CYP2J2: variants seen among roughly 807,000 people sequenced by gnomAD.
CYP2J2 encodes cytochrome P450 family 2 subfamily J member 2, also known as cytochrome P450 2J2.
In CYP2J2, 41 loss-of-function variants were observed where a neutral mutation model predicts 48.8. The ratio of observed to expected loss-of-function variants is 0.84; its 90% confidence interval spans 0.66 to 1.09. CYP2J2 has a LOEUF of 1.09. Ranked by LOEUF, CYP2J2 falls within the 50% of genes least tolerant of loss-of-function variation. CYP2J2 has a pLI of 0.00. For synonymous variants in CYP2J2, 221 were observed against 227.1 expected, an observed-to-expected ratio of 0.97 and a Z score of 0.24; for missense variants, 644 against 617.3, an observed-to-expected ratio of 1.04 and a Z score of -0.46.
chr1:59,912,412 C>T (rs1489615105), intron 2 of CYP2J2, 101 bp from the exon 3 acceptor site: 6 of 1,296,888 alleles, frequency 4.6e-6, no homozygotes. Context: ...AGGAGAAGAT[C>T]ATTAAGGCAC....
the CYP2J2 span, among the ~76,000 whole-genome samples, chr1:59,946,528 T>C: frequency 1.3e-5 from 2 of 152,200 alleles, no homozygotes; most frequent in Non-Finnish European, 2.9e-5. Context: ...GTGAGCTCCA[T>C]GAGGGGAAAG....
At chr1:59,930,327 T>A (rs1482773385), upstream of CYP2J2, among the ~76,000 whole-genome samples, 1 of 152,174 alleles carries the variant, frequency 6.6e-6, no homozygotes, top group Non-Finnish European at 1.5e-5. Context: ...GGAACTACCA[T>A]GCTGTTTTTC....
chr1:59,965,841 G>A, the CYP2J2 span, among the ~76,000 whole-genome samples: 15 of 152,094 alleles, frequency 9.9e-5, no homozygotes, highest in African/African-American at 2.2e-4. Flanking sequence ...TAGTAGAGAC[G>A]GGGCTTCGTC....
At chr1:59,932,618 C>A in the CYP2J2 span, among the ~76,000 whole-genome samples, 1 of 151,378 alleles carries the variant, frequency 6.6e-6, no homozygotes, top group African/African-American at 2.4e-5. Context: ...AATATTTAGG[C>A]CAGAAACTGA....
At chr1:59,955,615 C>T in the CYP2J2 span, among the ~76,000 whole-genome samples, 2 of 152,100 alleles carry the variant, frequency 1.3e-5, no homozygotes, top group Non-Finnish European at 2.9e-5. Flanking sequence ...TTAAAATAAA[C>T]ATCACCAATG....
At chr1:59,958,501 A>G in the CYP2J2 span, among the ~76,000 whole-genome samples, 1 of 147,998 alleles carries the variant, frequency 6.8e-6, no homozygotes, top group Non-Finnish European at 1.5e-5. Context: ...TGGAACTGGA[A>G]GTGGGCAGGG....
upstream of CYP2J2, among the ~76,000 whole-genome samples, chr1:59,931,678 T>C (rs547838495): frequency 3.2e-4 from 48 of 152,226 alleles, no homozygotes; most frequent in South Asian, 2.1e-3. Context: ...ACTAAGAAGT[T>C]ATATTTTCAG....
At chr1:59,968,175 CCTGA>C in the CYP2J2 span, among the ~76,000 whole-genome samples, 2 of 152,182 alleles carry the variant, frequency 1.3e-5, no homozygotes, top group African/African-American at 4.8e-5. Context: ...GTTGGTACTG[CCTGA>C]CTCTTTCCTT....
chr1:59,896,692 T>C (rs1418982149), intron 8 of CYP2J2, among the ~76,000 whole-genome samples: 1 of 152,076 alleles, frequency 6.6e-6, no homozygotes, highest in Non-Finnish European at 1.5e-5. Context: ...CACAAGTCAC[T>C]ACCACCATCT....
chr1:59,921,550 G>A (rs1302942974), intron 1 of CYP2J2, among the ~76,000 whole-genome samples: 1 of 152,024 alleles, frequency 6.6e-6, no homozygotes, highest in East Asian at 2.0e-4. Flanking sequence ...CTGTTCACAT[G>A]GATAAGATAG....
At position 59,912,285 on chromosome 1, in the gene CYP2J2, A is replaced by G. The variant is rs770225403; in HGVS notation, c.400T>C (p.Trp134Arg). The change falls in exon 3 of 9, where the codon TGG becomes CGG. Residue 134 changes from tryptophan (W) to arginine (R), a missense_variant. Transcript: ENST00000371204. ...NGLIMSSGQA[W>R]KEQRRFTLTA... Reference sequence around the variant, plus strand: ...AGAGTGAACCTTCTTTGCTCCTTCCATGCCTGGCCACTTGACATAATCAAT... The same window carrying G: ...AGAGTGAACCTTCTTTGCTCCTTCCGTGCCTGGCCACTTGACATAATCAAT... 6 of 1,613,502 alleles carry G rather than the reference A, an allele frequency of 3.7e-6. No individual in the cohort carries two copies. The highest frequency in any genetic ancestry group is 5.1e-6 in the Non-Finnish European group (6 of 1,179,774).
chr1:59,938,885 G>T, the CYP2J2 span, among the ~76,000 whole-genome samples: 1 of 152,208 alleles, frequency 6.6e-6, no homozygotes, highest in Non-Finnish European at 1.5e-5. Flanking sequence ...CTGGTTTATC[G>T]AGACTAGAGA....
At chr1:59,931,886 G>A in the CYP2J2 span, among the ~76,000 whole-genome samples, 1 of 152,014 alleles carries the variant, frequency 6.6e-6, no homozygotes. Context: ...CAGAAATCAG[G>A]ATAATTTGAG....
chr1:59,926,035 A>G (rs987817551), intron 1 of CYP2J2, among the ~76,000 whole-genome samples: 1 of 152,194 alleles, frequency 6.6e-6, no homozygotes, highest in Non-Finnish European at 1.5e-5. Flanking sequence ...ACCGTTTGGC[A>G]AAAATTTAAG....
intron 1 of CYP2J2, among the ~76,000 whole-genome samples, chr1:59,923,959 C>T (rs1453808716): frequency 3.3e-5 from 5 of 152,100 alleles, no homozygotes; most frequent in African/African-American, 1.2e-4. Flanking sequence ...GAAACCCAAA[C>T]AGGATAAACC....
At chr1:59,935,029 T>TATACACAC in the CYP2J2 span, among the ~76,000 whole-genome samples, 15 of 100,906 alleles carry the variant, frequency 1.5e-4, no homozygotes, top group African/African-American at 5.6e-4. Context: ...TATATATATA[T>TATACACAC]ATATATATAT....
the CYP2J2 span, among the ~76,000 whole-genome samples, chr1:59,937,659 CT>C: frequency 6.6e-6 from 1 of 152,122 alleles, no homozygotes; most frequent in African/African-American, 2.4e-5. Flanking sequence ...GTTTCTACCC[CT>C]ATCTCTTTCT....
At chr1:59,921,185 G>A (rs1261134390) in intron 1 of CYP2J2, among the ~76,000 whole-genome samples, 2 of 152,206 alleles carry the variant, frequency 1.3e-5, no homozygotes, top group Admixed American at 6.5e-5. Context: ...AAACATGTGA[G>A]TACATCAATT....
chr1:59,962,219 C>T, the CYP2J2 span, among the ~76,000 whole-genome samples: 1 of 152,124 alleles, frequency 6.6e-6, no homozygotes, highest in African/African-American at 2.4e-5. Context: ...ACAGAAATTG[C>T]TGCCTAGGAA....
Sources: allele counts gnomAD v4.1 joint callset (sites outside exome capture counted in the v4.1 genomes callset), GRCh38; gene constraint gnomAD v4.1.1; transcripts MANE v1.5; gene names NCBI Gene and HGNC (gene_info 2026-07-23, HGNC 2026-07-21).